Variants in SPOCK3 observed in about 807,000 individuals in gnomAD.
The protein encoded by SPOCK3 is testican-3.
In SPOCK3, 30 loss-of-function variants were observed where a neutral mutation model predicts 56.6. The ratio of observed to expected loss-of-function variants is 0.53; its 90% CI spans 0.40 to 0.72. SPOCK3 has a LOEUF of 0.72. Ranked by LOEUF, SPOCK3 falls within the 30% of genes least tolerant of loss-of-function variation. SPOCK3 has a pLI of 0.00. For synonymous variants in SPOCK3, 196 were observed against 183.3 expected, an observed-to-expected ratio of 1.07 and a Z score of -0.56; for missense variants, 527 against 530.0, an observed-to-expected ratio of 0.99 and a Z score of 0.06.
intron 2 of SPOCK3, among the ~76,000 whole-genome samples, chr4:167,147,994 T>C (rs1764115616): frequency 6.6e-6 from 1 of 151,962 alleles, no homozygotes; most frequent in Admixed American, 6.6e-5. Context: ...AACTGAAAAA[T>C]ACTGCCGATA....
chr4:166,912,860 A>G (rs1396665105), intron 4 of SPOCK3, 117 bp from the exon 5 acceptor site: 2 of 774,000 alleles, frequency 2.6e-6, no homozygotes, highest in African/African-American at 3.6e-5. Context: ...TAGAATCAAC[A>G]AACTATTCTC....
intron 4 of SPOCK3, among the ~76,000 whole-genome samples, chr4:166,994,221 T>C (rs893215066): frequency 6.6e-6 from 1 of 152,190 alleles, no homozygotes; most frequent in Non-Finnish European, 1.5e-5. Context: ...TAGCTAACCC[T>C]ATCATAATGC....
At chr4:167,134,160 C>T (rs1205102627) in intron 2 of SPOCK3, among the ~76,000 whole-genome samples, 1 of 150,918 alleles carries the variant, frequency 6.6e-6, no homozygotes, top group Non-Finnish European at 1.5e-5. Flanking sequence ...TCCTGAGTAG[C>T]TGGGACTACA....
intron 4 of SPOCK3, among the ~76,000 whole-genome samples, chr4:166,950,093 T>C (rs1407748750): frequency 1.3e-5 from 2 of 150,720 alleles, no homozygotes; most frequent in African/African-American, 5.0e-5. Flanking sequence ...CAATATTAAT[T>C]TTAAATGTAA....
chr4:166,937,503 A>G (rs899899608), intron 4 of SPOCK3, among the ~76,000 whole-genome samples: 33 of 148,346 alleles, frequency 2.2e-4, no homozygotes, highest in African/African-American at 8.1e-4. Context: ...TCTAGCACAT[A>G]CATTTCTAGA....
chr4:166,901,736 G>A (rs1263786198), intron 5 of SPOCK3, among the ~76,000 whole-genome samples: 3 of 152,132 alleles, frequency 2.0e-5, no homozygotes, highest in Non-Finnish European at 4.4e-5. Context: ...GATGTATAAG[G>A]TAGATCTGGA....
intron 5 of SPOCK3, among the ~76,000 whole-genome samples, chr4:166,908,132 G>A (rs1402579435): frequency 6.6e-6 from 1 of 151,822 alleles, no homozygotes; most frequent in Non-Finnish European, 1.5e-5. Flanking sequence ...TTAAGAGAAA[G>A]TAAGAACATG....
intron 2 of SPOCK3, among the ~76,000 whole-genome samples, chr4:167,109,579 T>G (rs1282014190): frequency 7.4e-6 from 1 of 135,218 alleles, no homozygotes; most frequent in Non-Finnish European, 1.6e-5. Flanking sequence ...ATATATATAT[T>G]TATTATATAT....
chr4:167,035,906 C>A (rs1245259968), intron 3 of SPOCK3, among the ~76,000 whole-genome samples: 5 of 152,198 alleles, frequency 3.3e-5, no homozygotes, highest in African/African-American at 9.6e-5. Flanking sequence ...ATTAGCAATT[C>A]TGTTCCAATG....
intron 7 of SPOCK3, among the ~76,000 whole-genome samples, chr4:166,770,010 G>T (rs1387928961): frequency 2.0e-5 from 3 of 152,126 alleles, no homozygotes; most frequent in African/African-American, 7.2e-5. Context: ...TAATCTCCTG[G>T]TGTGCCGTTC....
intron 2 of SPOCK3, among the ~76,000 whole-genome samples, chr4:167,099,603 G>A (rs768897097): frequency 7.2e-5 from 11 of 151,924 alleles, no homozygotes; most frequent in Non-Finnish European, 1.0e-4. Flanking sequence ...TATCTTTCAC[G>A]TTTACATAAT....
chr4:166,913,590 T>C (rs890510228), intron 4 of SPOCK3, among the ~76,000 whole-genome samples: 8 of 152,180 alleles, frequency 5.3e-5, no homozygotes, highest in African/African-American at 1.9e-4. Flanking sequence ...ATAGATATTT[T>C]ACCAGAAACA....
intron 2 of SPOCK3, among the ~76,000 whole-genome samples, chr4:167,184,090 T>A (rs1731740103): frequency 6.6e-6 from 1 of 152,188 alleles, no homozygotes. Context: ...AAGAAATTGT[T>A]CTCTTTATGT....
chr4:167,079,486 T>C (rs1028597221), intron 2 of SPOCK3, among the ~76,000 whole-genome samples: 4 of 151,888 alleles, frequency 2.6e-5, no homozygotes, highest in African/African-American at 7.2e-5. Context: ...CAGCATCCAA[T>C]AGAAATGGGG....
At chr4:167,099,413 T>C (rs1469756222) in intron 2 of SPOCK3, among the ~76,000 whole-genome samples, 1 of 151,946 alleles carries the variant, frequency 6.6e-6, no homozygotes, top group Non-Finnish European at 1.5e-5. Context: ...TTTTGATATA[T>C]CAAAATAATC....
At chr4:166,884,542 A>G (rs1734007600) in intron 6 of SPOCK3, among the ~76,000 whole-genome samples, 1 of 152,160 alleles carries the variant, frequency 6.6e-6, no homozygotes, top group African/African-American at 2.4e-5. Flanking sequence ...TGTTAAAAGC[A>G]CCAGAAATAA....
At chr4:167,057,527 G>T in intron 3 of SPOCK3, among the ~76,000 whole-genome samples, 1 of 151,870 alleles carries the variant, frequency 6.6e-6, no homozygotes, top group Admixed American at 6.6e-5. Context: ...TCAGTGTGCT[G>T]TATTCAGGAA....
intron 2 of SPOCK3, among the ~76,000 whole-genome samples, chr4:167,205,278 TTA>T (rs1305997734): frequency 2.2e-4 from 15 of 66,738 alleles, no homozygotes; most frequent in South Asian, 7.5e-4. Flanking sequence ...ATAATATATA[TTA>T]TATATATTTT....
Position 166,833,381 on chromosome 4 carries a change from G to C in SPOCK3, c.590-41092C>G, listed in dbSNP as rs1048805931. On this transcript the variant is annotated intron_variant, in intron 6 of 10. Coordinates refer to ENST00000357545, the MANE Select transcript of SPOCK3 (RefSeq NM_001040159.2). ...CAAGCTGGTTGATAGTATTATTCAG[G>C]TCTTCTATAAACTTATTGATTTTCT... Among the ~76,000 whole-genome samples, 9 of 152,040 alleles carry C rather than the reference G, an allele frequency of 5.9e-5. No homozygotes were observed. The South Asian group carries it at 1.7e-3, about 28-fold the overall frequency.
Sources: gnomAD v4.1 joint callset for allele counts (sites outside exome capture counted in the v4.1 genomes callset) on GRCh38, gnomAD v4.1.1 for gene constraint, MANE v1.5 for transcripts, NCBI Gene and HGNC (gene_info 2026-07-23, HGNC 2026-07-21) for gene names.